The following INTS8 variants were observed in gnomAD, a reference collection of about 807,000 sequenced individuals.
INTS8 encodes the protein protein kaonashi-1.
Under a neutral mutation model 138.9 loss-of-function variants are expected in INTS8, and 47 were observed. The ratio of observed to expected loss-of-function variants is 0.34; its 90% confidence interval spans 0.27 to 0.43. INTS8 has a LOEUF of 0.43. INTS8 is among the 20% of genes least tolerant of loss of function. The pLI, the probability that INTS8 is intolerant of heterozygous loss-of-function variation, is 1.00. For synonymous variants in INTS8, 392 were observed against 400.9 expected (o/e 0.98, Z 0.27); for missense variants, 996 against 1,173.0 (o/e 0.85, Z 2.20).
At chr8:94,848,604 T>G (rs980797008) in intron 10 of INTS8, among the ~76,000 whole-genome samples, 2 of 152,226 alleles carry the variant, frequency 1.3e-5, no homozygotes, top group East Asian at 3.8e-4. Flanking sequence ...TGTAACTGGC[T>G]TCTTAGCACG....
rs933555462 is a variant in INTS8, at chr8:94,867,030, T to C, written c.2296-110T>C. Reference sequence around the variant, plus strand: ...CACATGCTAAAACAGATGCTACATTTTCAAAAGGCAAGGGTCTTTTAGAAT... The same window carrying C: ...CACATGCTAAAACAGATGCTACATTCTCAAAAGGCAAGGGTCTTTTAGAAT... On this transcript the variant is annotated intron_variant, in intron 18 of 26. Transcript: ENST00000523731. 6 of 860,642 alleles carry C rather than the reference T, an allele frequency of 7.0e-6. No individual in the cohort carries two copies. In the Admixed American group the frequency reaches 1.2e-4, roughly 17 times the overall value. 53.3% of individuals were successfully genotyped at this position (860,642 alleles called of 1,614,324 possible). A position where few individuals can be genotyped will look rare whatever the true frequency, so the allele number is the denominator to read the frequency against.
chr8:94,867,329 C>G lies in INTS8; in HGVS notation c.2406C>G (p.Ser802=). The G allele has an allele frequency of 6.2e-7, 1 of 1,609,238 alleles. No individual in the cohort carries two copies. Among genetic ancestry groups the G allele is most frequent in the Non-Finnish European group, 8.5e-7 (1 of 1,176,366 alleles). ...AACACATTTCTATTTGGCCATCTTC[C>G]ATTCCCAAGTAAGTAGTGGTATAGC... ...TAEHISIWPS[S]IPNLQSVDFE... Residue 802 remains serine, a synonymous_variant, in exon 20 of 27, where the codon TCC becomes TCG. Coordinates refer to ENST00000523731, the MANE Select transcript of INTS8 (RefSeq NM_017864.4).
chr8:94,870,715 C>G (rs185207540), intron 20 of INTS8, among the ~76,000 whole-genome samples: 3 of 152,166 alleles, frequency 2.0e-5, no homozygotes, highest in African/African-American at 7.2e-5. Context: ...TTCCACTGTA[C>G]TGGGCTCTGG....
rs754487848 is a variant in INTS8 at position 94,867,120 on chromosome 8, C to T, written c.2296-20C>T. 6.5e-5 allele frequency: 102 copies of T among 1,569,802 alleles called. No individual in the cohort carries two copies. On this transcript the variant is annotated intron_variant, in intron 18 of 26. Coordinates refer to ENST00000523731, the MANE Select transcript of INTS8 (RefSeq NM_017864.4). ...AATATACATACACTGTTTAAGGATT[C>T]TGTGTTTTCTTTCTCATAGGAACCA...
chr8:94,841,336 C>G (rs1281151345), intron 8 of INTS8, among the ~76,000 whole-genome samples, 155 bp from the exon 9 acceptor site: 1 of 152,082 alleles, frequency 6.6e-6, no homozygotes, highest in Non-Finnish European at 1.5e-5. Flanking sequence ...TGCCCTTAAT[C>G]AAATTTTAGA....
intron 8 of INTS8, among the ~76,000 whole-genome samples, chr8:94,839,392 C>A (rs549437922): frequency 2.5e-4 from 38 of 152,286 alleles, no homozygotes; most frequent in African/African-American, 9.1e-4. Flanking sequence ...AGAGAATAAA[C>A]AGTGCATTCA....
chr8:94,824,819 A>G (rs940591794), intron 1 of INTS8, 74 bp from the exon 2 acceptor site: 1 of 261,696 alleles, frequency 3.8e-6, no homozygotes. Context: ...AAAAAAACCA[A>G]ACCAATAGTG....
intron 20 of INTS8, among the ~76,000 whole-genome samples, chr8:94,869,087 A>G (rs924803742): frequency 6.6e-6 from 1 of 151,468 alleles, no homozygotes; most frequent in Non-Finnish European, 1.5e-5. Context: ...GGTTCAAGCA[A>G]TTCTCCTGCC....
At chr8:94,825,777 C>A (rs1392876289) in intron 2 of INTS8, among the ~76,000 whole-genome samples, 1 of 151,844 alleles carries the variant, frequency 6.6e-6, no homozygotes, top group Non-Finnish European at 1.5e-5. Flanking sequence ...TTAAAACATC[C>A]CTTATAGGAA....
chr8:94,848,779 T>TTG (rs1815424484), intron 10 of INTS8, among the ~76,000 whole-genome samples: 1 of 152,168 alleles, frequency 6.6e-6, no homozygotes, highest in African/African-American at 2.4e-5. Context: ...ACATTCTATT[T>TTG]TGTGTGTGTG....
At chr8:94,876,510 C>T in intron 26 of INTS8, 21 bp downstream of exon 26, 2 of 1,472,090 alleles carry the variant, frequency 1.4e-6, no homozygotes, top group Non-Finnish European at 1.9e-6. Flanking sequence ...TTATGCCTTT[C>T]TTCAGTGGTA....
intron 10 of INTS8, among the ~76,000 whole-genome samples, chr8:94,848,966 C>A (rs1247270832): frequency 6.6e-6 from 1 of 151,710 alleles, no homozygotes; most frequent in African/African-American, 2.4e-5. Flanking sequence ...AGTTTCTATT[C>A]TTTGTTTGCA....
intron 10 of INTS8, among the ~76,000 whole-genome samples, chr8:94,843,198 CA>C (rs1194714463): frequency 6.6e-6 from 1 of 152,188 alleles, no homozygotes; most frequent in Non-Finnish European, 1.5e-5. Flanking sequence ...GTGTATTCAT[CA>C]TCTTCTTTCA....
chr8:94,854,927 G>A (rs992148966), intron 14 of INTS8, among the ~76,000 whole-genome samples: 1 of 60,740 alleles, frequency 1.6e-5, no homozygotes, highest in Admixed American at 1.6e-4. Context: ...TTTTTTTTTT[G>A]CAGAGACAGC....
In INTS8 at chr8:94,881,655, C is replaced by T. The variant is rs759372966; in HGVS notation, c.*1421C>T. The T allele has an allele frequency of 2.5e-6, 4 of 1,612,730 alleles. No homozygotes were observed. The highest frequency in any genetic ancestry group is 3.4e-6 in the Non-Finnish European group (4 of 1,179,646). On this transcript the variant is annotated 3_prime_UTR_variant, in exon 27 of 27. Coordinates refer to ENST00000523731, the MANE Select transcript of INTS8 (RefSeq NM_017864.4). The stretch of plus-strand genomic sequence containing the variant: ...CTTTAGTGTTTTCCTGGTGGTTTTT[C>T]AGTGCTCTTCGGTGGTGTCATAATG...
chr8:94,838,740 G>C, intron 8 of INTS8, 122 bp downstream of exon 8: 1 of 656,656 alleles, frequency 1.5e-6, no homozygotes, highest in Admixed American at 2.7e-5. Flanking sequence ...TGTCATACTG[G>C]CCTGTAACAT....
chr8:94,833,707 T>C (rs1205360397), intron 6 of INTS8, among the ~76,000 whole-genome samples: 2 of 152,234 alleles, frequency 1.3e-5, no homozygotes, highest in African/African-American at 2.4e-5. Flanking sequence ...TTTACTTACA[T>C]AGCTGAGTGA....
At chr8:94,845,973 G>A (rs1027096052) in intron 10 of INTS8, among the ~76,000 whole-genome samples, 5 of 152,158 alleles carry the variant, frequency 3.3e-5, no homozygotes, top group African/African-American at 1.2e-4. Flanking sequence ...ATTATTGGGT[G>A]TCCTAATCCA....
At chr8:94,873,829 C>G (rs1816486112) in intron 22 of INTS8, 1 of 168,520 alleles carries the variant, frequency 5.9e-6, no homozygotes. Flanking sequence ...TTGAGTAGTT[C>G]AAGCCCAAAC....
Sources: allele counts gnomAD v4.1 joint callset (sites outside exome capture counted in the v4.1 genomes callset), GRCh38; gene constraint gnomAD v4.1.1; transcripts MANE v1.5; gene names NCBI Gene and HGNC (gene_info 2026-07-23, HGNC 2026-07-21).